CSMD3: variants seen among roughly 807,000 people sequenced by gnomAD.
CSMD3 encodes CUB and sushi domain-containing protein 3.
A neutral mutation model predicts 435.2 loss-of-function variants in CSMD3; 177 were observed. The observed-to-expected ratio is 0.41, with a 90% CI of 0.36 to 0.46. The LOEUF is 0.46. CSMD3 is among the 20% of genes least tolerant of loss of function. The pLI, the probability that CSMD3 is intolerant of heterozygous loss-of-function variation, is 0.34. For missense variants in CSMD3, 4,265 were observed against 4,504.6 expected (o/e 0.95, Z 1.52); for synonymous variants, 1,656 against 1,520.5 (o/e 1.09, Z -2.07).
intron 13 of CSMD3, among the ~76,000 whole-genome samples, chr8:112,799,079 TGGGG>T: frequency 6.6e-6 from 1 of 152,020 alleles, no homozygotes; most frequent in African/African-American, 2.4e-5. Flanking sequence ...TTTTATTTAC[TGGGG>T]ATAGAGGTGG....
At chr8:112,568,793 T>C (rs1378709978) in intron 24 of CSMD3, among the ~76,000 whole-genome samples, 1 of 152,152 alleles carries the variant, frequency 6.6e-6, no homozygotes, top group Non-Finnish European at 1.5e-5. Flanking sequence ...TGGGCTTCCA[T>C]GACACCATTA....
intron 4 of CSMD3, among the ~76,000 whole-genome samples, chr8:113,113,631 A>T (rs1437401264): frequency 6.6e-6 from 1 of 152,182 alleles, no homozygotes; most frequent in East Asian, 1.9e-4. Context: ...ATAGAGAAAT[A>T]ATCACATACT....
intron 16 of CSMD3, among the ~76,000 whole-genome samples, chr8:112,668,199 T>C (rs1287981232): frequency 2.6e-5 from 4 of 152,172 alleles, no homozygotes; most frequent in Non-Finnish European, 4.4e-5. Context: ...GATTATTTAC[T>C]CTTCCTAGTT....
chr8:113,006,601 G>A (rs1387735243), intron 6 of CSMD3, among the ~76,000 whole-genome samples: 2 of 151,940 alleles, frequency 1.3e-5, no homozygotes, highest in Non-Finnish European at 2.9e-5. Flanking sequence ...AGGAAATCTA[G>A]AGAGTGAGAG....
intron 10 of CSMD3, among the ~76,000 whole-genome samples, chr8:112,920,044 T>C (rs2082688682): frequency 6.6e-6 from 1 of 151,766 alleles, no homozygotes; most frequent in Non-Finnish European, 1.5e-5. Flanking sequence ...AACACCATTA[T>C]TAAAAATAAT....
Position 112,234,486 on chromosome 8 carries a change from T to C in CSMD3, c.10628-9A>G. ...CTGGCTTTTATATACCCCTGTAAAA[T>C]GCAAGGACATTTTAGTCTACTTAAC... On this transcript the variant is annotated splice_polypyrimidine_tract_variant and intron_variant, in intron 67 of 70. Coordinates refer to ENST00000297405, the MANE Select transcript of CSMD3 (RefSeq NM_198123.2). The C allele has an allele frequency of 6.8e-7, 1 of 1,480,856 alleles. No homozygotes were observed. The highest frequency in any genetic ancestry group is 1.1e-5 in the South Asian group (1 of 88,438). The allele number at this position is 1,480,856 out of a possible 1,614,324, so 91.7% of individuals were successfully genotyped here. A position where few individuals can be genotyped will look rare whatever the true frequency, so the allele number is the denominator to read the frequency against.
chr8:112,348,889 C>T (rs766505420), intron 40 of CSMD3, among the ~76,000 whole-genome samples: 14 of 151,936 alleles, frequency 9.2e-5, no homozygotes, highest in Non-Finnish European at 1.9e-4. Context: ...TCTTATGGTG[C>T]TGAGAAAATT....
chr8:112,865,257 A>G (rs1216456801), intron 10 of CSMD3, among the ~76,000 whole-genome samples: 3 of 152,172 alleles, frequency 2.0e-5, no homozygotes, highest in Non-Finnish European at 2.9e-5. Flanking sequence ...CACAAGTAAG[A>G]CAGGCTGACA....
intron 59 of CSMD3, among the ~76,000 whole-genome samples, chr8:112,278,849 C>A (rs1333751503): frequency 6.6e-6 from 1 of 152,130 alleles, no homozygotes; most frequent in Non-Finnish European, 1.5e-5. Context: ...TCAAACCTGA[C>A]TTAAGCCTGG....
In CSMD3 at chr8:112,318,967, G is replaced by A. The variant is rs998206762; in HGVS notation, c.7247-17C>T. The A allele has an allele frequency of 9.0e-6, 13 of 1,438,822 alleles. No homozygotes were observed. The African/African-American group carries it at 1.4e-4, about 16-fold the overall frequency. The allele number at this position is 1,438,822 out of a possible 1,614,324, so 89.1% of individuals were successfully genotyped here. A position where few individuals can be genotyped will look rare whatever the true frequency, so the allele number is the denominator to read the frequency against. ...TAATATCACCTATTAAACAAAAGAGGGGAGGTTTCATATAAGCAACAAGGT... is the reference window on the plus strand; with the variant it reads ...TAATATCACCTATTAAACAAAAGAGAGGAGGTTTCATATAAGCAACAAGGT... On this transcript the variant is annotated splice_polypyrimidine_tract_variant and intron_variant, in intron 46 of 70. Coordinates refer to ENST00000297405, the MANE Select transcript of CSMD3 (RefSeq NM_198123.2).
chr8:112,617,169 T>A (rs529794545), intron 22 of CSMD3, among the ~76,000 whole-genome samples: 1 of 152,324 alleles, frequency 6.6e-6, no homozygotes, highest in East Asian at 1.9e-4. Context: ...GAGTAATGCA[T>A]GTGCAAAATC....
chr8:112,678,967 T>C (rs1424001644), intron 16 of CSMD3, among the ~76,000 whole-genome samples: 1 of 151,486 alleles, frequency 6.6e-6, no homozygotes, highest in Non-Finnish European at 1.5e-5. Context: ...ATTTTATCTG[T>C]AAAAATATAG....
At chr8:112,249,054 T>C (rs1047324772) in intron 63 of CSMD3, among the ~76,000 whole-genome samples, 3 of 152,076 alleles carry the variant, frequency 2.0e-5, no homozygotes, top group African/African-American at 4.8e-5. Flanking sequence ...ATGGGCTAGA[T>C]TATGTTATAT....
intron 40 of CSMD3, among the ~76,000 whole-genome samples, chr8:112,348,796 CTT>C (rs1442277659): frequency 1.3e-5 from 2 of 151,878 alleles, no homozygotes; most frequent in Non-Finnish European, 2.9e-5. Flanking sequence ...TAAATGTAAA[CTT>C]AATCAAAATG....
chr8:113,047,719 T>C (rs773089036), intron 5 of CSMD3, among the ~76,000 whole-genome samples: 11 of 152,184 alleles, frequency 7.2e-5, no homozygotes, highest in Non-Finnish European at 1.3e-4. Context: ...TCTTGAGAAT[T>C]TGTGAATGCT....
intron 3 of CSMD3, among the ~76,000 whole-genome samples, chr8:113,226,614 T>C (rs901134475): frequency 1.5e-4 from 22 of 151,602 alleles, no homozygotes; most frequent in African/African-American, 5.1e-4. Flanking sequence ...CATGCACTAC[T>C]GGTTGTTAGA....
At chr8:112,380,243 A>T (rs1829343077) in intron 38 of CSMD3, 109 bp downstream of exon 38, 2 of 608,222 alleles carry the variant, frequency 3.3e-6, no homozygotes, top group Non-Finnish European at 2.9e-6. Context: ...AAATAAGACA[A>T]TGTTTTCTTT....
intron 13 of CSMD3, among the ~76,000 whole-genome samples, chr8:112,729,500 G>T (rs2077032357): frequency 6.6e-6 from 1 of 152,012 alleles, no homozygotes; most frequent in Non-Finnish European, 1.5e-5. Context: ...TTTTGCTGTG[G>T]CCCCTCAAAA....
intron 1 of CSMD3, among the ~76,000 whole-genome samples, chr8:113,359,540 G>A (rs1277445920): frequency 6.6e-6 from 1 of 152,164 alleles, no homozygotes; most frequent in African/African-American, 2.4e-5. Flanking sequence ...TACAGCTTCA[G>A]CTCATGCAAG....
Sources: gnomAD v4.1 joint callset for allele counts (sites outside exome capture counted in the v4.1 genomes callset) on GRCh38, gnomAD v4.1.1 for gene constraint, MANE v1.5 for transcripts, NCBI Gene and HGNC (gene_info 2026-07-23, HGNC 2026-07-21) for gene names.